The following TNNT3 variants were observed in gnomAD, a reference collection of about 807,000 sequenced individuals.
TNNT3 encodes troponin T3, fast skeletal type, also known as troponin T, fast skeletal muscle.
In TNNT3, 36 loss-of-function variants were observed where a neutral mutation model predicts 54.2. The ratio of observed to expected loss-of-function variants is 0.66; its 90% confidence interval spans 0.51 to 0.88. The LOEUF (loss-of-function observed/expected upper bound fraction) is 0.88, where lower values mean the gene tolerates loss of function less well. Among genes scored for constraint, TNNT3 ranks in the 40% least tolerant of loss-of-function variants. The pLI, the probability that TNNT3 is intolerant of heterozygous loss-of-function variation, is 0.00. For synonymous variants in TNNT3, 120 were observed against 109.7 expected, an observed-to-expected ratio of 1.09 and a Z score of -0.59; for missense variants, 291 against 331.6, an observed-to-expected ratio of 0.88 and a Z score of 0.95.
At chr11:1,924,578 C>T (rs1044101809) in intron 4 of TNNT3, among the ~76,000 whole-genome samples, 2 of 152,342 alleles carry the variant, frequency 1.3e-5, no homozygotes, top group Admixed American at 1.3e-4. Context: ...GGAAATATGG[C>T]ACTGGGGAGC....
chr11:1,926,308 C>A (rs1406853327), intron 5 of TNNT3, among the ~76,000 whole-genome samples: 1 of 152,214 alleles, frequency 6.6e-6, no homozygotes, highest in Non-Finnish European at 1.5e-5. Flanking sequence ...GGGGCGGTGG[C>A]CGCGCCTGGG....
chr11:1,936,939 G>C (rs1334835592), intron 14 of TNNT3, 24 bp from the exon 15 acceptor site: 1 of 1,599,794 alleles, frequency 6.3e-7, no homozygotes, highest in Non-Finnish European at 8.5e-7. Flanking sequence ...GGTCGTCGCA[G>C]TGAGTCACTC....
At chr11:1,931,440 G>C (rs920137363) in intron 8 of TNNT3, among the ~76,000 whole-genome samples, 1 of 152,240 alleles carries the variant, frequency 6.6e-6, no homozygotes, top group East Asian at 1.9e-4. Context: ...CTCACCCAGG[G>C]ACAGGAACGT....
chr11:1,938,168 C>T, intron 15 of TNNT3: 1 of 531,724 alleles, frequency 1.9e-6, no homozygotes, highest in South Asian at 2.0e-5. Flanking sequence ...GGTCTGTCTG[C>T]AGTGGTACCT....
chr11:1,934,777 G>A, intron 13 of TNNT3, 52 bp from the exon 14 acceptor site: 3 of 1,603,414 alleles, frequency 1.9e-6, no homozygotes, highest in South Asian at 1.1e-5. Context: ...CAGGGGCCTG[G>A]CCCTGCCTTT....
chr11:1,932,507 A>T lies in TNNT3; in HGVS notation c.164A>T (p.Asp55Val). 6.2e-7 allele frequency: 1 copy of T among 1,613,804 alleles called. No individual in the cohort carries two copies. Among genetic ancestry groups the T allele is most frequent in the South Asian group, 1.1e-5 (1 of 91,064 alleles). Residue 55 changes from aspartate (D) to valine (V), a missense_variant, in exon 9 of 16, where the codon GAC becomes GTC. Transcript: ENST00000278317. The part of the protein sequence containing the change: ...APKIPEGEKV[D>V]FDDIQKKRQN... Reference sequence around the variant, plus strand: ...AAGATCCCAGAAGGGGAGAAAGTGGACTTCGATGTAAGTTTACAGGACTCT... The same window carrying T: ...AAGATCCCAGAAGGGGAGAAAGTGGTCTTCGATGTAAGTTTACAGGACTCT...
At chr11:1,923,505 C>G (rs202011950) in intron 3 of TNNT3, 50 bp from the exon 4 acceptor site, 9 of 1,606,636 alleles carry the variant, frequency 5.6e-6, no homozygotes, top group Non-Finnish European at 7.7e-6. Flanking sequence ...CCTCCCTTCA[C>G]GGGCTGCCCC....
chr11:1,931,510 C>T (rs190847274), intron 8 of TNNT3, among the ~76,000 whole-genome samples: 3 of 151,910 alleles, frequency 2.0e-5, no homozygotes, highest in Middle Eastern at 3.4e-3. Flanking sequence ...TTTGGCTTTG[C>T]GCCCTAACAG....
intron 1 of TNNT3, among the ~76,000 whole-genome samples, chr11:1,921,014 G>T (rs1005761342): frequency 6.6e-6 from 1 of 152,158 alleles, no homozygotes; most frequent in South Asian, 2.1e-4. Context: ...CCTGCCTGAG[G>T]GTGTTGGGGC....
chr11:1,932,631 C>A, intron 9 of TNNT3, 117 bp downstream of exon 9: 1 of 945,642 alleles, frequency 1.1e-6, no homozygotes, highest in South Asian at 1.3e-5. Context: ...CCTCCTGGGT[C>A]TGGGCAATTC....
chr11:1,924,648 C>T (rs1361496439), intron 4 of TNNT3, among the ~76,000 whole-genome samples: 3 of 152,178 alleles, frequency 2.0e-5, no homozygotes, highest in Non-Finnish European at 1.5e-5. Flanking sequence ...GGTCTTCGTG[C>T]GACATGTCTC....
At chr11:1,921,174 C>A (rs1486423343) in intron 1 of TNNT3, among the ~76,000 whole-genome samples, 1 of 152,212 alleles carries the variant, frequency 6.6e-6, no homozygotes, top group Non-Finnish European at 1.5e-5. Context: ...TGGGCAGAAA[C>A]GTCTTGCCTA....
intron 4 of TNNT3, chr11:1,924,797 C>T (rs1851050555): frequency 3.4e-6 from 2 of 583,018 alleles, no homozygotes; most frequent in Non-Finnish European, 6.1e-6. Context: ...GCACAGGCGC[C>T]TCCAGGCATG....
chr11:1,926,594 C>T (rs1173681984), intron 5 of TNNT3, 101 bp from the exon 6 acceptor site: 16 of 1,608,228 alleles, frequency 9.9e-6, no homozygotes, highest in Admixed American at 3.3e-5. Context: ...CTGCTCGCTC[C>T]GCCGCCTCGG....
intron 5 of TNNT3, 70 bp downstream of exon 5, chr11:1,925,186 T>TC: frequency 2.0e-6 from 2 of 989,444 alleles, no homozygotes; most frequent in Non-Finnish European, 2.9e-6. Flanking sequence ...AAAGTTGACC[T>TC]CCACCCCGCC....
intron 14 of TNNT3, chr11:1,935,428 G>T (rs1854704182): frequency 8.4e-6 from 2 of 238,506 alleles, no homozygotes; most frequent in Non-Finnish European, 1.7e-5. Flanking sequence ...GCACCCTGTG[G>T]CTGGGAAAAG....
At chr11:1,936,815 A>T (rs1036051590) in intron 14 of TNNT3, 148 bp from the exon 15 acceptor site, 2 of 781,492 alleles carry the variant, frequency 2.6e-6, no homozygotes, top group Admixed American at 4.0e-5. Flanking sequence ...GAGCCAGGAG[A>T]CAGTAAGGGA....
In TNNT3 at chr11:1,923,083, T is replaced by C. The variant is rs772065613; in HGVS notation, c.31+22T>C. 3.7e-6 allele frequency: 6 copies of C among 1,613,872 alleles called. No individual in the cohort carries two copies. In the African/African-American group the frequency reaches 8.0e-5, roughly 22 times the overall value. On this transcript the variant is annotated intron_variant, in intron 3 of 15. Transcript: ENST00000278317. ...GAGGGTAAGTGTAACAGCCATTTTCTTTCTACTTCCTGCTCTAGAAGGAAG... is the reference window on the plus strand; with the variant it reads ...GAGGGTAAGTGTAACAGCCATTTTCCTTCTACTTCCTGCTCTAGAAGGAAG...
At chr11:1,928,430 G>T (rs1852254954) in intron 6 of TNNT3, among the ~76,000 whole-genome samples, 1 of 152,192 alleles carries the variant, frequency 6.6e-6, no homozygotes, top group South Asian at 2.1e-4. Flanking sequence ...GGTCCCAGAG[G>T]GGCCCAGTCT....
Sources: allele counts gnomAD v4.1 joint callset (sites outside exome capture counted in the v4.1 genomes callset), GRCh38; gene constraint gnomAD v4.1.1; transcripts MANE v1.5; gene names NCBI Gene and HGNC (gene_info 2026-07-23, HGNC 2026-07-21).